MTUS2: variants seen among roughly 807,000 people sequenced by gnomAD.
MTUS2 encodes microtubule associated scaffold protein 2, also known as microtubule-associated tumor suppressor candidate 2.
MTUS2 carries 40 observed loss-of-function variants against 114.1 expected under a neutral mutation model. That is an observed-to-expected ratio of 0.35 (90% CI 0.27 to 0.46). The LOEUF (loss-of-function observed/expected upper bound fraction) is 0.46, where lower values mean the gene tolerates loss of function less well. Among genes scored for constraint, MTUS2 ranks in the 20% least tolerant of loss-of-function variants. MTUS2 has a pLI of 1.00. For missense variants in MTUS2, 1,679 were observed against 1,705.4 expected (o/e 0.98, Z 0.27); for synonymous variants, 688 against 672.0 (o/e 1.02, Z -0.37).
At chr13:29,050,130 T>C (rs905440635) in intron 4 of MTUS2, among the ~76,000 whole-genome samples, 5 of 152,150 alleles carry the variant, frequency 3.3e-5, no homozygotes, top group Non-Finnish European at 7.4e-5. Flanking sequence ...TACACACAAC[T>C]GCTAGGCCCC....
chr13:28,877,257 G>T (rs1877999287), intron 2 of MTUS2, among the ~76,000 whole-genome samples: 1 of 151,164 alleles, frequency 6.6e-6, no homozygotes, highest in African/African-American at 2.4e-5. Context: ...GGTGGAGCTT[G>T]CAGTGAGGTG....
chr13:29,423,004 AGGTATCCAAGCATTT>A (rs1593427258), intron 8 of MTUS2, among the ~76,000 whole-genome samples: 1 of 152,096 alleles, frequency 6.6e-6, no homozygotes, highest in East Asian at 1.9e-4. Context: ...GTCTTTTTTC[AGGTATCCAAGCATTT>A]GGGTGAGTCC....
At chr13:28,846,414 G>A (rs1456423623) in intron 2 of MTUS2, among the ~76,000 whole-genome samples, 2 of 152,148 alleles carry the variant, frequency 1.3e-5, no homozygotes, top group East Asian at 1.9e-4. Context: ...TCACTCAAGC[G>A]TTTTAACATC....
intron 6 of MTUS2, among the ~76,000 whole-genome samples, chr13:29,308,155 A>G (rs1440743169): frequency 1.3e-5 from 2 of 152,340 alleles, no homozygotes; most frequent in East Asian, 1.9e-4. Flanking sequence ...ACTTCAAACT[A>G]TACTACAAGA....
At chr13:29,429,198 A>G (rs1876810613) in intron 8 of MTUS2, among the ~76,000 whole-genome samples, 1 of 152,262 alleles carries the variant, frequency 6.6e-6, no homozygotes, top group African/African-American at 2.4e-5. Context: ...AACTGCCAAG[A>G]GATCTTTGCA....
chr13:29,367,450 G>A (rs572099578), intron 8 of MTUS2, among the ~76,000 whole-genome samples: 2 of 152,170 alleles, frequency 1.3e-5, no homozygotes, highest in Admixed American at 1.3e-4. Context: ...ACTGGTGGAG[G>A]CAGGCAGGAG....
At chr13:28,857,650 T>C (rs937395658) in intron 2 of MTUS2, among the ~76,000 whole-genome samples, 2 of 152,194 alleles carry the variant, frequency 1.3e-5, no homozygotes, top group Admixed American at 1.3e-4. Context: ...TTTGACATAA[T>C]ATGGAAGCAG....
intron 10 of MTUS2, among the ~76,000 whole-genome samples, chr13:29,486,631 T>C (rs967397007): frequency 6.6e-6 from 1 of 152,238 alleles, no homozygotes; most frequent in African/African-American, 2.4e-5. Context: ...TGATGCATTA[T>C]TAGCTTGTGA....
At chr13:29,481,294 CGGCA>C (rs1566227644) in intron 10 of MTUS2, among the ~76,000 whole-genome samples, 1 of 152,202 alleles carries the variant, frequency 6.6e-6, no homozygotes, top group Non-Finnish European at 1.5e-5. Context: ...GCCACCCCCA[CGGCA>C]GCTATCTTGT....
intron 5 of MTUS2, among the ~76,000 whole-genome samples, chr13:29,222,266 T>G (rs544441756): frequency 6.6e-6 from 1 of 152,308 alleles, no homozygotes; most frequent in South Asian, 2.1e-4. Flanking sequence ...AGTCTGTCTG[T>G]TTATCACTGT....
chr13:29,473,616 G>A lies in MTUS2; in HGVS notation c.3185-6534G>A, dbSNP rs556458766. ...GAATGCAGTTTTAATAATATTTTAG[G>A]TATTTTTATATCAGATGTGTGTGTA... On this transcript the variant is annotated intron_variant, in intron 9 of 15. Transcript: ENST00000612955. Among the ~76,000 whole-genome samples the A allele has an allele frequency of 1.1e-4, 17 of 152,124 alleles. No homozygotes were observed. In the East Asian group the frequency reaches 1.2e-3, roughly 10 times the overall value.
chr13:29,069,946 T>C (rs1888837532), intron 4 of MTUS2, among the ~76,000 whole-genome samples: 1 of 152,238 alleles, frequency 6.6e-6, no homozygotes, highest in South Asian at 2.1e-4. Flanking sequence ...TTCTTCTGGA[T>C]TTTATAACAA....
At chr13:28,889,371 G>A (rs1326599163) in intron 2 of MTUS2, among the ~76,000 whole-genome samples, 2 of 152,166 alleles carry the variant, frequency 1.3e-5, no homozygotes, top group Admixed American at 6.5e-5. Context: ...TTCTGTGCTC[G>A]TGTCACGCTT....
At chr13:29,022,368 CAT>C (rs1886327786) in intron 2 of MTUS2, among the ~76,000 whole-genome samples, 1 of 152,112 alleles carries the variant, frequency 6.6e-6, no homozygotes. Context: ...TGCTTTGTAA[CAT>C]ATACATTTTA....
At chr13:29,262,059 A>G (rs1897493444) in intron 5 of MTUS2, among the ~76,000 whole-genome samples, 1 of 152,252 alleles carries the variant, frequency 6.6e-6, no homozygotes, top group South Asian at 2.1e-4. Flanking sequence ...ATCAAAAGAA[A>G]GCTTTAAGCC....
At chr13:28,916,342 T>C (rs189756279) in intron 2 of MTUS2, among the ~76,000 whole-genome samples, 142 of 152,052 alleles carry the variant, frequency 9.3e-4, no homozygotes, top group African/African-American at 3.3e-3. Context: ...AAAATGTCGT[T>C]GGTATTTTGA....
At chr13:29,381,948 C>G (rs1183765098) in intron 8 of MTUS2, among the ~76,000 whole-genome samples, 5 of 152,180 alleles carry the variant, frequency 3.3e-5, no homozygotes, top group Non-Finnish European at 7.3e-5. Flanking sequence ...GTCCATCATT[C>G]AAGAAATAAT....
intron 2 of MTUS2, among the ~76,000 whole-genome samples, chr13:28,893,741 C>T (rs192653136): frequency 1.7e-4 from 26 of 152,290 alleles, no homozygotes; most frequent in African/African-American, 6.3e-4. Context: ...TTTAAAGCTA[C>T]AGCTGACTAA....
intron 2 of MTUS2, among the ~76,000 whole-genome samples, chr13:28,904,174 G>A (rs1054682574): frequency 6.6e-6 from 1 of 152,160 alleles, no homozygotes; most frequent in African/African-American, 2.4e-5. Context: ...TTTGTCAGAT[G>A]AGTAGGTTGC....
Sources: allele counts gnomAD v4.1 joint callset (sites outside exome capture counted in the v4.1 genomes callset), GRCh38; gene constraint gnomAD v4.1.1; transcripts MANE v1.5; gene names NCBI Gene and HGNC (gene_info 2026-07-23, HGNC 2026-07-21).